Variants in DIAPH2 observed in about 807,000 individuals in gnomAD.
The protein encoded by DIAPH2 is diaphanous related formin 2, also known as protein diaphanous homolog 2.
A neutral mutation model predicts 92.7 loss-of-function variants in DIAPH2; 35 were observed. The observed-to-expected ratio is 0.38, with a 90% CI of 0.29 to 0.50. The LOEUF is 0.50. DIAPH2 is among the 20% of genes least tolerant of loss of function. The pLI, the probability that DIAPH2 is intolerant of heterozygous loss-of-function variation, is 0.94. For missense variants in DIAPH2, 701 were observed against 819.5 expected (o/e 0.86, Z 1.77); for synonymous variants, 301 against 280.4 (o/e 1.07, Z -0.73).
At chrX:96,963,049 C>T (rs1020849320) in intron 16 of DIAPH2, among the ~76,000 whole-genome samples, 7 of 111,743 alleles carry the variant, frequency 6.3e-5, no homozygotes, top group Admixed American at 5.7e-4. Context: ...TCAGTTTTTG[C>T]GTGTTTGGGA....
At chrX:96,751,677 G>A (rs1466757775) in intron 3 of DIAPH2, among the ~76,000 whole-genome samples, 2 of 44,671 alleles carry the variant, frequency 4.5e-5, no homozygotes, top group Non-Finnish European at 7.8e-5. Flanking sequence ...TTTTTGAGAC[G>A]AAGTCTCGCT....
At chrX:96,757,336 G>T (rs1053160374) in intron 3 of DIAPH2, among the ~76,000 whole-genome samples, 71 of 111,737 alleles carry the variant, frequency 6.4e-4, no homozygotes, top group African/African-American at 1.9e-3. Context: ...ATCTATATCA[G>T]ACATATGATT....
intron 22 of DIAPH2, among the ~76,000 whole-genome samples, chrX:97,214,895 G>GT (rs931806120): frequency 1.9e-5 from 2 of 105,884 alleles, no homozygotes; most frequent in African/African-American, 6.9e-5. Context: ...ATAAACTTGA[G>GT]TATTGATTTT....
chrX:97,005,191 G>A (rs1463068629), intron 17 of DIAPH2, among the ~76,000 whole-genome samples: 1 of 111,344 alleles, frequency 9.0e-6, no homozygotes, highest in East Asian at 2.8e-4. Flanking sequence ...TGTTGAATTC[G>A]GTTTGCTGTT....
At chrX:96,746,204 A>G (rs1298035226) in intron 3 of DIAPH2, among the ~76,000 whole-genome samples, 1 of 111,907 alleles carries the variant, frequency 8.9e-6, no homozygotes, top group Non-Finnish European at 1.9e-5. Context: ...CTGGCTTTGA[A>G]ATTTCTTGAT....
At chrX:97,165,281 G>A (rs116012460) in intron 22 of DIAPH2, among the ~76,000 whole-genome samples, 39 of 111,685 alleles carry the variant, frequency 3.5e-4, no homozygotes, top group African/African-American at 1.2e-3. Context: ...GGCCATTTAG[G>A]TGGGGACCTA....
intron 3 of DIAPH2, among the ~76,000 whole-genome samples, chrX:96,746,454 A>G (rs982830061): frequency 1.8e-5 from 2 of 112,166 alleles, no homozygotes; most frequent in African/African-American, 3.2e-5. Context: ...ACCCAGAGTC[A>G]TGTTTTCAAA....
intron 1 of DIAPH2, among the ~76,000 whole-genome samples, chrX:96,717,205 A>G (rs1413889571): frequency 8.9e-6 from 1 of 111,931 alleles, no homozygotes; most frequent in Non-Finnish European, 1.9e-5. Flanking sequence ...TATGACTTGA[A>G]TACTTTTACA....
chrX:97,040,243 AT>A (rs2066439565), intron 17 of DIAPH2, among the ~76,000 whole-genome samples: 1 of 106,862 alleles, frequency 9.4e-6, no homozygotes, highest in Admixed American at 1.0e-4. Flanking sequence ...TTATGAAGAC[AT>A]TTATTAAATC....
At chrX:97,211,101 C>A (rs1039396786) in intron 22 of DIAPH2, among the ~76,000 whole-genome samples, 1 of 111,646 alleles carries the variant, frequency 9.0e-6, no homozygotes, top group African/African-American at 3.3e-5. Context: ...AATATACAAA[C>A]TTATACAGTC....
intron 22 of DIAPH2, among the ~76,000 whole-genome samples, chrX:97,207,892 G>A (rs1336037610): frequency 9.0e-6 from 1 of 111,487 alleles, no homozygotes; most frequent in East Asian, 2.8e-4. Context: ...AGCAGCTCGC[G>A]CCTATAATCC....
chrX:97,185,451 G>GTATATATA (rs1569323278), intron 22 of DIAPH2, among the ~76,000 whole-genome samples: 11 of 21,609 alleles, frequency 5.1e-4, no homozygotes, highest in Non-Finnish European at 6.6e-4. Flanking sequence ...ATATATATGT[G>GTATATATA]TGTGTATATA....
At position 97,447,173 on chromosome X, in the gene DIAPH2, CT is replaced by C. The variant is rs941848992; in HGVS notation, c.3241+17438del. ...TTTCATGGTTTCTGGTTTTCTTTTT[CT>C]TTTTTTTTTCTTCCGTCTGCTGCTT... On this transcript the variant is annotated intron_variant, in intron 26 of 26. Transcript: ENST00000324765. 2.8e-5 allele frequency among the ~76,000 whole-genome samples: 3 copies of C among 107,810 alleles called. No individual in the cohort carries two copies. In the East Asian group the frequency reaches 8.6e-4, roughly 31 times the overall value. The allele number at this position is 107,810 out of a possible 115,157, so 93.6% of individuals were successfully genotyped here.
intron 22 of DIAPH2, among the ~76,000 whole-genome samples, chrX:97,151,908 A>T (rs2067288701): frequency 9.0e-6 from 1 of 111,369 alleles, no homozygotes; most frequent in Non-Finnish European, 1.9e-5. Flanking sequence ...TAGTATTGTC[A>T]AGGGGGGAGA....
chrX:97,077,852 A>G (rs993913949), intron 19 of DIAPH2, among the ~76,000 whole-genome samples: 2 of 112,235 alleles, frequency 1.8e-5, no homozygotes, highest in African/African-American at 3.2e-5. Context: ...TACTTGCAGT[A>G]GCACGTAGAA....
At chrX:97,382,335 A>G (rs1280877509) in intron 24 of DIAPH2, among the ~76,000 whole-genome samples, 1 of 112,196 alleles carries the variant, frequency 8.9e-6, no homozygotes, top group Non-Finnish European at 1.9e-5. Flanking sequence ...TCACGCCTGT[A>G]ATCCCAGCAC....
At chrX:97,573,265 C>T (rs1301666795) in intron 26 of DIAPH2, among the ~76,000 whole-genome samples, 3 of 111,376 alleles carry the variant, frequency 2.7e-5, no homozygotes, top group Admixed American at 9.6e-5. Context: ...TTTAGTGGAA[C>T]AGTTTCAATG....
intron 26 of DIAPH2, among the ~76,000 whole-genome samples, chrX:97,509,566 G>C (rs2070868155): frequency 1.2e-5 from 1 of 84,960 alleles, no homozygotes; most frequent in Non-Finnish European, 2.1e-5. Flanking sequence ...GTGCAGGTTA[G>C]TTACATATGT....
At chrX:97,126,817 G>A in intron 21 of DIAPH2, among the ~76,000 whole-genome samples, 1 of 112,573 alleles carries the variant, frequency 8.9e-6, no homozygotes, top group Non-Finnish European at 1.9e-5. Flanking sequence ...CCATTTCCAA[G>A]ATGTACTTTT....
Sources: gnomAD v4.1 joint callset for allele counts (sites outside exome capture counted in the v4.1 genomes callset) on GRCh38, gnomAD v4.1.1 for gene constraint, MANE v1.5 for transcripts, NCBI Gene and HGNC (gene_info 2026-07-23, HGNC 2026-07-21) for gene names.